DMTF1: variants seen among roughly 807,000 people sequenced by gnomAD.
DMTF1 encodes cyclin D binding myb like transcription factor 1.
Under a neutral mutation model 91.1 loss-of-function variants are expected in DMTF1, and 39 were observed. The ratio of observed to expected loss-of-function variants is 0.43; its 90% CI spans 0.33 to 0.56. DMTF1 has a LOEUF of 0.56. Among genes scored for constraint, DMTF1 ranks in the 20% least tolerant of loss-of-function variants. The probability of loss-of-function intolerance (pLI) is 0.05; values close to 1 mark genes in which losing one functional copy is unlikely to be tolerated. For missense variants in DMTF1, 750 were observed against 914.5 expected (o/e 0.82, Z 2.32); for synonymous variants, 338 against 309.5 (o/e 1.09, Z -0.97).
intron 4 of DMTF1, among the ~76,000 whole-genome samples, chr7:87,169,229 C>T (rs981290277): frequency 3.3e-5 from 5 of 152,248 alleles, no homozygotes; most frequent in South Asian, 4.1e-4. Flanking sequence ...GGGGCAGAGG[C>T]GGGCAGTTTG....
chr7:87,156,383 T>C (rs544237359), intron 1 of DMTF1, among the ~76,000 whole-genome samples: 82 of 152,122 alleles, frequency 5.4e-4, no homozygotes, highest in Non-Finnish European at 1.0e-3. Context: ...ACAGCTCTGT[T>C]GACATTTTTA....
chr7:87,193,624 A>G, intron 15 of DMTF1, 101 bp from the exon 16 acceptor site: 1 of 1,160,374 alleles, frequency 8.6e-7, no homozygotes, highest in Non-Finnish European at 1.2e-6. Flanking sequence ...TGATAAAAGT[A>G]TTTACAGTTT....
chr7:87,171,640 T>C (rs1473391774), intron 5 of DMTF1, among the ~76,000 whole-genome samples: 1 of 152,194 alleles, frequency 6.6e-6, no homozygotes, highest in African/African-American at 2.4e-5. Flanking sequence ...CTAAGCCTTA[T>C]ATATACATTA....
At chr7:87,161,988 A>G (rs1451287087) in intron 1 of DMTF1, among the ~76,000 whole-genome samples, 1 of 152,244 alleles carries the variant, frequency 6.6e-6, no homozygotes, top group Admixed American at 6.5e-5. Context: ...GAAATAGTGT[A>G]AAAATATGTT....
At chr7:87,181,376 T>A in intron 9 of DMTF1, 35 bp downstream of exon 9, 1 of 1,053,480 alleles carries the variant, frequency 9.5e-7, no homozygotes, top group Non-Finnish European at 1.4e-6. Flanking sequence ...AATTCTAATT[T>A]TTTATGTCTT....
intron 1 of DMTF1, among the ~76,000 whole-genome samples, chr7:87,158,348 T>C (rs974810165): frequency 6.6e-6 from 1 of 152,008 alleles, no homozygotes. Flanking sequence ...TCAGCTTGTC[T>C]GAAAAAATGC....
chr7:87,175,086 T>C (rs534054192), intron 7 of DMTF1, among the ~76,000 whole-genome samples: 1 of 151,812 alleles, frequency 6.6e-6, no homozygotes, highest in South Asian at 2.1e-4. Context: ...TGGCACAGTC[T>C]CAGCTCACTG....
Position 87,165,024 on chromosome 7 carries a change from A to C in DMTF1, c.83A>C (p.Asn28Thr). 6.2e-7 allele frequency: 1 copy of C among 1,610,528 alleles called. No homozygotes were observed. The highest frequency in any genetic ancestry group is 8.5e-7 in the Non-Finnish European group (1 of 1,178,054). Residue 28 changes from asparagine (N) to threonine (T), a missense_variant, in exon 3 of 18, where the codon AAT becomes ACT. Around this residue, in one of 3 missense-constraint regions of DMTF1, gnomAD observed 150 missense variants for 150.4 expected, o/e 1.00. Coordinates refer to ENST00000331242, the MANE Select transcript of DMTF1 (RefSeq NM_001142327.2). ...ACTTTGACTCAGGACACAGAAGGGA[A>C]TCTCATTCTTCACTGCCCTCAGAAT... ...SVTLTQDTEG[N>T]LILHCPQNEA...
chr7:87,172,918 C>G (rs1013028798), intron 5 of DMTF1, among the ~76,000 whole-genome samples: 1 of 152,184 alleles, frequency 6.6e-6, no homozygotes, highest in Non-Finnish European at 1.5e-5. Context: ...CCATATAGTT[C>G]TTTGAGAGAA....
At chr7:87,158,871 G>A (rs1275642320) in intron 1 of DMTF1, among the ~76,000 whole-genome samples, 1 of 152,036 alleles carries the variant, frequency 6.6e-6, no homozygotes, top group Non-Finnish European at 1.5e-5. Context: ...GCTAAATGCT[G>A]TCGTTAATAC....
intron 14 of DMTF1, 37 bp from the exon 15 acceptor site, chr7:87,193,161 T>A: frequency 1.9e-6 from 3 of 1,609,014 alleles, no homozygotes; most frequent in Non-Finnish European, 2.5e-6. Flanking sequence ...AAAAGTAGAC[T>A]TAATCATTGT....
At chr7:87,193,696 A>G (rs553123755) in intron 15 of DMTF1, 29 bp from the exon 16 acceptor site, 1 of 1,555,228 alleles carries the variant, frequency 6.4e-7, no homozygotes, top group East Asian at 2.2e-5. Context: ...TTGATTTACA[A>G]CTTTAACAGG....
intron 1 of DMTF1, chr7:87,154,151 C>G (rs530211476): frequency 3.3e-5 from 5 of 152,322 alleles, no homozygotes; most frequent in African/African-American, 9.6e-5. Context: ...GTTAAAGCTA[C>G]ATTCCTTAAC....
intron 1 of DMTF1, among the ~76,000 whole-genome samples, chr7:87,160,370 G>A (rs562907975): frequency 6.6e-6 from 1 of 151,870 alleles, no homozygotes; most frequent in East Asian, 1.9e-4. Flanking sequence ...CGCCTCCTGG[G>A]TTCAAGTGAT....
At chr7:87,191,928 A>G (rs1799897865) in intron 14 of DMTF1, among the ~76,000 whole-genome samples, 1 of 152,158 alleles carries the variant, frequency 6.6e-6, no homozygotes, top group South Asian at 2.1e-4. Flanking sequence ...GACTTTATTC[A>G]TCCTCTCCCC....
At position 87,195,488 on chromosome 7, in the gene DMTF1, TCAGACATGGCACTG is replaced by T. The variant is rs1208194100; in HGVS notation, c.*349_*362del. 5.0e-6 allele frequency: 1 copy of T among 199,806 alleles called. No individual in the cohort carries two copies. Among genetic ancestry groups the T allele is most frequent in the Non-Finnish European group, 1.0e-5 (1 of 97,310 alleles). 12.4% of individuals were successfully genotyped at this position (199,806 alleles called of 1,614,324 possible). A position where few individuals can be genotyped will look rare whatever the true frequency, so the allele number is the denominator to read the frequency against. The stretch of plus-strand genomic sequence containing the variant: ...GTTTAAAGTACAGTTTCTCTAAAGA[TCAGACATGGCACTG>T]TCTCCTCTCAAGCCTGGTTGTAGTT... On this transcript the variant is annotated 3_prime_UTR_variant, in exon 18 of 18. Coordinates refer to ENST00000331242, the MANE Select transcript of DMTF1 (RefSeq NM_001142327.2).
chr7:87,171,718 C>T (rs975760350), intron 5 of DMTF1, among the ~76,000 whole-genome samples: 21 of 152,068 alleles, frequency 1.4e-4, no homozygotes, highest in African/African-American at 4.6e-4. Flanking sequence ...CTAAATAAAG[C>T]TGAGTCAACT....
At chr7:87,184,963 G>T (rs2129161783) in intron 11 of DMTF1, 1 of 469,826 alleles carries the variant, frequency 2.1e-6, no homozygotes, top group Non-Finnish European at 4.2e-6. Context: ...AGCCTAGGGG[G>T]AACACGTTTA....
At position 87,181,000 on chromosome 7, in the gene DMTF1, C is replaced by T. The variant is rs138579223; in HGVS notation, c.678-309C>T. On this transcript the variant is annotated intron_variant, in intron 8 of 17. Transcript: ENST00000331242. ...CCACTCTAGTAGCTGGGATTACAGG[C>T]GCCTGCCACCAGCTAATTTTTCTGT... is the stretch of plus-strand genomic sequence containing the variant. 5.2e-3 allele frequency among the ~76,000 whole-genome samples: 795 copies of T among 151,832 alleles called. 4 individuals carry two copies. The highest frequency in any genetic ancestry group is 0.019 in the African/African-American group (770 of 41,420).
Sources: gnomAD v4.1 joint callset for allele counts (sites outside exome capture counted in the v4.1 genomes callset) on GRCh38, gnomAD v4.1.1 for gene constraint, gnomAD v4.1.1 regional missense constraint, MANE v1.5 for transcripts, NCBI Gene and HGNC (gene_info 2026-07-23, HGNC 2026-07-21) for gene names.